The following CHP1 variants were observed in gnomAD, a reference collection of about 807,000 sequenced individuals.
CHP1 encodes the protein calcineurin like EF-hand protein 1.
In CHP1, 11 loss-of-function variants were observed where a neutral mutation model predicts 27.4. The ratio of observed to expected loss-of-function variants is 0.40; its 90% CI spans 0.25 to 0.67. The LOEUF (loss-of-function observed/expected upper bound fraction) is 0.67, where lower values mean the gene tolerates loss of function less well. Ranked by LOEUF, CHP1 falls within the 30% of genes least tolerant of loss-of-function variation. The pLI, the probability that CHP1 is intolerant of heterozygous loss-of-function variation, is 0.38. For missense variants in CHP1, 169 were observed against 251.3 expected (o/e 0.67, Z 2.22); for synonymous variants, 89 against 87.4 (o/e 1.02, Z -0.10).
chr15:41,251,844 TGTTGCCCAGGCTGGTCTCGGACTCCTGG>T lies in CHP1; in HGVS notation c.141-5061_141-5034del, dbSNP rs768233566. 2.6e-4 allele frequency among the ~76,000 whole-genome samples: 39 copies of T among 151,068 alleles called. No individual in the cohort carries two copies. In the Middle Eastern group the frequency reaches 0.01, roughly 40 times the overall value. On this transcript the variant is annotated intron_variant, in intron 2 of 6. Transcript: ENST00000334660. ...TTTAATTAGAGACAGGGTTTCCCTA[TGTTGCCCAGGCTGGTCTCGGACTCCTGG>T]GTTGGGATTACAGGCACATGCCACT...
At chr15:41,244,646 A>G (rs753270453) in intron 2 of CHP1, among the ~76,000 whole-genome samples, 4 of 152,182 alleles carry the variant, frequency 2.6e-5, no homozygotes, top group African/African-American at 4.8e-5. Context: ...TACAGTGCAC[A>G]GGACAGCCCC....
chr15:41,235,422 A>T (rs2140920492), intron 1 of CHP1, among the ~76,000 whole-genome samples: 1 of 152,256 alleles, frequency 6.6e-6, no homozygotes, highest in South Asian at 2.1e-4. Context: ...GCTACTCAGG[A>T]GGCTGAGGTG....
At chr15:41,279,273 T>A in intron 6 of CHP1, 63 bp from the exon 7 acceptor site, 7 of 1,314,566 alleles carry the variant, frequency 5.3e-6, no homozygotes, top group Non-Finnish European at 7.7e-6. Context: ...ATTACTCAGA[T>A]AAGAGCTTGG....
chr15:41,262,705 A>C (rs751407560), intron 3 of CHP1, 51 bp from the exon 4 acceptor site: 1 of 1,603,650 alleles, frequency 6.2e-7, no homozygotes, highest in Non-Finnish European at 8.5e-7. Flanking sequence ...ATTCATAAGA[A>C]ATAATCACCG....
At chr15:41,264,417 C>T (rs1316538337) in intron 4 of CHP1, among the ~76,000 whole-genome samples, 1 of 152,052 alleles carries the variant, frequency 6.6e-6, no homozygotes, top group Non-Finnish European at 1.5e-5. Flanking sequence ...AAGTGCTATG[C>T]AGGTTATGCT....
intron 5 of CHP1, among the ~76,000 whole-genome samples, chr15:41,277,525 C>T (rs1452562460): frequency 1.3e-5 from 2 of 152,138 alleles, no homozygotes; most frequent in Non-Finnish European, 2.9e-5. Flanking sequence ...CGCAGTGGCT[C>T]ACACTTGTAA....
rs1595485022 is a variant in CHP1, at chr15:41,280,536, A to C, written c.*1147A>C. On this transcript the variant is annotated 3_prime_UTR_variant, in exon 7 of 7. Coordinates refer to ENST00000334660, the MANE Select transcript of CHP1 (RefSeq NM_007236.5). The stretch of plus-strand genomic sequence containing the variant: ...TTTTTTTTTTTTTTTTTTTTTTGAG[A>C]CAGAGTCTTGCTCTGTCACCCAGGC... The C allele has an allele frequency of 1.0e-5, 1 of 99,854 alleles. No individual in the cohort carries two copies. The highest frequency in any genetic ancestry group is 1.9e-5 in the Non-Finnish European group (1 of 51,638). 6.2% of individuals were successfully genotyped at this position (99,854 alleles called of 1,614,324 possible).
At chr15:41,239,666 G>T (rs533307832) in intron 1 of CHP1, among the ~76,000 whole-genome samples, 63 of 152,234 alleles carry the variant, frequency 4.1e-4, no homozygotes, top group Admixed American at 6.5e-4. Flanking sequence ...CAAAGTGCTG[G>T]TATTGCAGGC....
chr15:41,240,860 C>A (rs553374096), intron 1 of CHP1, among the ~76,000 whole-genome samples: 2 of 145,356 alleles, frequency 1.4e-5, no homozygotes, highest in African/African-American at 2.5e-5. Context: ...CTTAGTAATT[C>A]TTTTTTTTTT....
intron 2 of CHP1, among the ~76,000 whole-genome samples, chr15:41,255,788 G>A (rs992283243): frequency 2.0e-5 from 3 of 152,132 alleles, no homozygotes; most frequent in Middle Eastern, 3.4e-3. Flanking sequence ...GGCCGAGGCC[G>A]GCAGATCACC....
chr15:41,231,458 G>A lies in CHP1; in HGVS notation c.67+9G>A. 6.3e-7 allele frequency: 1 copy of A among 1,597,388 alleles called. No individual in the cohort carries two copies. The highest frequency in any genetic ancestry group is 1.3e-5 in the African/African-American group (1 of 74,878). ...CAAGAAGGAGACCGGCTGTGAGTTC[G>A]GGTTGGGGGTGGGAACGCCGGGCGC... On this transcript the variant is annotated intron_variant, in intron 1 of 6. Transcript: ENST00000334660.
chr15:41,272,166 T>TTTAA (rs1275256956), intron 5 of CHP1: 3 of 152,040 alleles, frequency 2.0e-5, no homozygotes, highest in African/African-American at 7.2e-5. Context: ...TATTTATTTA[T>TTTAA]TTTGTATTTT....
chr15:41,255,384 A>G (rs2047394112), intron 2 of CHP1, among the ~76,000 whole-genome samples: 1 of 152,238 alleles, frequency 6.6e-6, no homozygotes, highest in Non-Finnish European at 1.5e-5. Flanking sequence ...TTATTGAAAA[A>G]TTGGGGGACT....
In CHP1 at chr15:41,232,359, T is replaced by C. The variant is rs563377318; in HGVS notation, c.67+910T>C. On this transcript the variant is annotated intron_variant, in intron 1 of 6. Coordinates refer to ENST00000334660, the MANE Select transcript of CHP1 (RefSeq NM_007236.5). Reference sequence around the variant, plus strand: ...CCAGGTAGCTGGGAGTACAGGTGCCTGCCACCACGCTTGGCTAATTTTTGT... The same window carrying C: ...CCAGGTAGCTGGGAGTACAGGTGCCCGCCACCACGCTTGGCTAATTTTTGT... Among the ~76,000 whole-genome samples the C allele has an allele frequency of 3.9e-3, 586 of 152,076 alleles. 7 individuals are homozygous for C. Among genetic ancestry groups the C allele is most frequent in the African/African-American group, 0.013 (543 of 41,470 alleles).
At position 41,240,361 on chromosome 15, in the gene CHP1, A is replaced by G. The variant is rs545511402; in HGVS notation, c.68-3306A>G. On this transcript the variant is annotated intron_variant, in intron 1 of 6. Coordinates refer to ENST00000334660, the MANE Select transcript of CHP1 (RefSeq NM_007236.5). Reference sequence around the variant, plus strand: ...CCAATTTTAAAATTATATAAATTGGATAAAGAAGGACTCCAAAGCAATATA... The same window carrying G: ...CCAATTTTAAAATTATATAAATTGGGTAAAGAAGGACTCCAAAGCAATATA... Among the ~76,000 whole-genome samples, 231 of 152,240 alleles carry G rather than the reference A, an allele frequency of 1.5e-3. 1 individual carries two copies. Among genetic ancestry groups the G allele is most frequent in the African/African-American group, 5.2e-3 (216 of 41,540 alleles).
chr15:41,263,656 C>T (rs1236757465), intron 4 of CHP1, among the ~76,000 whole-genome samples: 1 of 152,234 alleles, frequency 6.6e-6, no homozygotes, highest in Non-Finnish European at 1.5e-5. Flanking sequence ...AGGTAGATCA[C>T]TTGAGCCCAG....
chr15:41,260,493 C>G (rs529760866), intron 3 of CHP1, among the ~76,000 whole-genome samples: 23 of 148,782 alleles, frequency 1.5e-4, no homozygotes, highest in Non-Finnish European at 3.4e-4. Flanking sequence ...CTTTGGGGTT[C>G]AAGTGATTCT....
chr15:41,236,689 A>T (rs1297487015), intron 1 of CHP1, among the ~76,000 whole-genome samples: 1 of 152,186 alleles, frequency 6.6e-6, no homozygotes, highest in African/African-American at 2.4e-5. Context: ...AAATTTCTGG[A>T]TAAACCATTT....
At chr15:41,249,807 G>A (rs1012259325) in intron 2 of CHP1, among the ~76,000 whole-genome samples, 1 of 151,578 alleles carries the variant, frequency 6.6e-6, no homozygotes, top group African/African-American at 2.4e-5. Context: ...GTAGTTATTA[G>A]GAGAAAGATT....
Sources: gnomAD v4.1 joint callset for allele counts (sites outside exome capture counted in the v4.1 genomes callset) on GRCh38, gnomAD v4.1.1 for gene constraint, MANE v1.5 for transcripts, NCBI Gene and HGNC (gene_info 2026-07-23, HGNC 2026-07-21) for gene names.